The following CDK8 variants were observed in gnomAD, a reference collection of about 807,000 sequenced individuals.
CDK8 encodes the protein cyclin dependent kinase 8.
CDK8 carries 29 observed loss-of-function variants against 71.5 expected under a neutral mutation model. That is an observed-to-expected ratio of 0.41 (90% CI 0.30 to 0.55). The LOEUF (loss-of-function observed/expected upper bound fraction) is 0.55. Among genes scored for constraint, CDK8 ranks in the 20% least tolerant of loss-of-function variants. The pLI is 0.37. For synonymous variants in CDK8, 161 were observed against 192.1 expected (o/e 0.84, Z 1.34); for missense variants, 288 against 572.6 (o/e 0.50, Z 5.07).
chr13:26,361,454 CA>C (rs1383440310), intron 4 of CDK8, among the ~76,000 whole-genome samples: 1 of 152,106 alleles, frequency 6.6e-6, no homozygotes, highest in Non-Finnish European at 1.5e-5. Flanking sequence ...GAGATGAGTT[CA>C]GTGTGTTTTA....
intron 1 of CDK8, among the ~76,000 whole-genome samples, chr13:26,269,375 G>C (rs1268232402): frequency 6.6e-6 from 1 of 152,158 alleles, no homozygotes; most frequent in Admixed American, 6.5e-5. Flanking sequence ...ATTTAAACCA[G>C]ATATCCTGGA....
intron 4 of CDK8, among the ~76,000 whole-genome samples, chr13:26,362,327 T>A (rs1874188105): frequency 6.6e-6 from 1 of 152,076 alleles, no homozygotes; most frequent in Non-Finnish European, 1.5e-5. Context: ...TTATGGAGGC[T>A]GAGAAGTCCC....
chr13:26,382,629 C>A (rs1272344139), intron 4 of CDK8, among the ~76,000 whole-genome samples, 185 bp from the exon 5 acceptor site: 1 of 152,180 alleles, frequency 6.6e-6, no homozygotes, highest in Non-Finnish European at 1.5e-5. Flanking sequence ...TCTGGGCCTT[C>A]ATGAAATTTG....
intron 4 of CDK8, among the ~76,000 whole-genome samples, chr13:26,369,953 A>G (rs903269324): frequency 3.9e-5 from 6 of 152,122 alleles, no homozygotes; most frequent in Admixed American, 2.0e-4. Flanking sequence ...ATTTTAAAAT[A>G]AAGTACAAAT....
intron 1 of CDK8, among the ~76,000 whole-genome samples, chr13:26,333,238 C>T (rs1327739682): frequency 2.0e-5 from 3 of 151,834 alleles, no homozygotes; most frequent in Non-Finnish European, 4.4e-5. Flanking sequence ...CTCCTGGGTT[C>T]AAGCAATTCT....
intron 4 of CDK8, among the ~76,000 whole-genome samples, chr13:26,360,265 G>A (rs181540991): frequency 7.6e-4 from 115 of 152,232 alleles, no homozygotes; most frequent in African/African-American, 1.9e-3. Context: ...AGACCAGCCT[G>A]GGCAATATAG....
chr13:26,280,593 A>G lies in CDK8; in HGVS notation c.128+25824A>G, dbSNP rs34380227. Among the ~76,000 whole-genome samples, 276 of 152,362 alleles carry G rather than the reference A, an allele frequency of 1.8e-3. 1 individual carries two copies. Among genetic ancestry groups the G allele is most frequent in the Admixed American group, 2.9e-3 (44 of 15,304 alleles). On this transcript the variant is annotated intron_variant, in intron 1 of 12. Transcript: ENST00000381527. ...AAATAATGAATGTCAGCATCTTTTC[A>G]TATGATTAATGAACAGAGTATCTTC...
chr13:26,294,625 T>A (rs1269863445), intron 1 of CDK8, among the ~76,000 whole-genome samples: 1 of 152,248 alleles, frequency 6.6e-6, no homozygotes, highest in Non-Finnish European at 1.5e-5. Flanking sequence ...TGATATTTCA[T>A]TGTGGCATTA....
intron 4 of CDK8, among the ~76,000 whole-genome samples, chr13:26,363,049 G>C (rs1874219835): frequency 6.7e-6 from 1 of 149,062 alleles, no homozygotes; most frequent in East Asian, 2.0e-4. Context: ...GAAATTTGGA[G>C]TATTTCTCAC....
intron 5 of CDK8, among the ~76,000 whole-genome samples, chr13:26,383,408 A>C (rs912654586): frequency 6.6e-6 from 1 of 152,234 alleles, no homozygotes; most frequent in East Asian, 1.9e-4. Flanking sequence ...CATTCTGTAC[A>C]TATTTTCTGA....
chr13:26,261,219 G>A (rs571329661), intron 1 of CDK8, among the ~76,000 whole-genome samples: 5 of 152,272 alleles, frequency 3.3e-5, no homozygotes, highest in African/African-American at 1.2e-4. Context: ...ACCAGTCCTT[G>A]CTGTAGTAAG....
At chr13:26,291,783 C>T (rs1873318225) in intron 1 of CDK8, among the ~76,000 whole-genome samples, 1 of 152,050 alleles carries the variant, frequency 6.6e-6, no homozygotes, top group South Asian at 2.1e-4. Flanking sequence ...ACTTTCTTTC[C>T]CCATCTTCAT....
intron 4 of CDK8, among the ~76,000 whole-genome samples, chr13:26,354,918 A>G (rs73160334): frequency 1.3e-5 from 2 of 152,176 alleles, no homozygotes; most frequent in Non-Finnish European, 2.9e-5. Flanking sequence ...TTTTCTTTGT[A>G]AAGATAGTAA....
chr13:26,331,397 C>G (rs1439124267), intron 1 of CDK8, among the ~76,000 whole-genome samples: 1 of 152,138 alleles, frequency 6.6e-6, no homozygotes, highest in Non-Finnish European at 1.5e-5. Flanking sequence ...AACAGGCTGT[C>G]TCTTCACTAT....
intron 1 of CDK8, among the ~76,000 whole-genome samples, chr13:26,321,830 TTATG>T (rs1874789967): frequency 1.3e-5 from 2 of 152,108 alleles, no homozygotes; most frequent in South Asian, 4.1e-4. Context: ...ATGTTCATAT[TTATG>T]CTATTTATTT....
chr13:26,393,523 CGTTTTT>C lies in CDK8; in HGVS notation c.790+26_790+31del, dbSNP rs765513398. ...GGATTTCCTGCAGGTACACATTATT[CGTTTTT>C]GTTTTTGTTTTTAAATCACTGTTGT... On this transcript the variant is annotated intron_variant, in intron 7 of 12. Coordinates refer to ENST00000381527, the MANE Select transcript of CDK8 (RefSeq NM_001260.3). The C allele has an allele frequency of 5.0e-6, 8 of 1,610,876 alleles. No homozygotes were observed. Among genetic ancestry groups the C allele is most frequent in the East Asian group, 2.2e-5 (1 of 44,696 alleles).
Position 26,400,339 on chromosome 13 carries a change from A to G in CDK8, c.934-114A>G, listed in dbSNP as rs542618962. ...TTTTGTTGTTAATTTGGGGGAATAAATATTTTCCAAATTGTGATGTTATTC... is the reference window on the plus strand; with the variant it reads ...TTTTGTTGTTAATTTGGGGGAATAAGTATTTTCCAAATTGTGATGTTATTC... On this transcript the variant is annotated intron_variant, in intron 9 of 12. Transcript: ENST00000381527. The G allele has an allele frequency of 1.6e-5, 11 of 686,484 alleles. No individual in the cohort carries two copies. The South Asian group carries it at 1.9e-4, about 12-fold the overall frequency. The allele number at this position is 686,484 out of a possible 1,614,324, so 42.5% of individuals were successfully genotyped here.
chr13:26,365,666 C>T (rs980977430), intron 4 of CDK8, among the ~76,000 whole-genome samples: 20 of 152,008 alleles, frequency 1.3e-4, no homozygotes, highest in African/African-American at 4.1e-4. Context: ...TTTCTCCATT[C>T]ATAACGTAAT....
At chr13:26,270,773 G>A (rs1872279729) in intron 1 of CDK8, among the ~76,000 whole-genome samples, 1 of 152,130 alleles carries the variant, frequency 6.6e-6, no homozygotes, top group African/African-American at 2.4e-5. Flanking sequence ...TGGTTGTTAT[G>A]AATAATGCTG....
Sources: allele counts gnomAD v4.1 joint callset (sites outside exome capture counted in the v4.1 genomes callset), GRCh38; gene constraint gnomAD v4.1.1; transcripts MANE v1.5; gene names NCBI Gene and HGNC (gene_info 2026-07-23, HGNC 2026-07-21).